Variants in ZC3H12B observed in about 807,000 individuals in gnomAD.
The protein encoded by ZC3H12B is zinc finger CCCH-type containing 12B, also known as probable ribonuclease ZC3H12B.
Under a neutral mutation model 43.9 loss-of-function variants are expected in ZC3H12B, and 7 were observed. The ratio of observed to expected loss-of-function variants is 0.16; its 90% confidence interval spans 0.09 to 0.30. ZC3H12B has a LOEUF of 0.30. Ranked by LOEUF, ZC3H12B falls within the 10% of genes least tolerant of loss-of-function variation. The probability of loss-of-function intolerance (pLI) is 1.00; values close to 1 mark genes in which losing one functional copy is unlikely to be tolerated. For synonymous variants in ZC3H12B, 222 were observed against 241.7 expected, an observed-to-expected ratio of 0.92 and a Z score of 0.76; for missense variants, 475 against 670.2, an observed-to-expected ratio of 0.71 and a Z score of 3.22.
At position 65,502,804 on chromosome X, in the gene ZC3H12B, T is replaced by G. The variant is rs1442159818; in HGVS notation, c.2106T>G (p.Asp702Glu). ...GTGCCCTGGTGATGACTCGGATGGA[T>G]AGCATTTCCGACTCCCGCCTCTATG... The change falls in exon 5 of 5, where the codon GAT (aspartate) becomes GAG (glutamate). Residue 702 changes from aspartate (D) to glutamate (E), a missense_variant. Transcript: ENST00000338957. 6.6e-6 allele frequency: 8 copies of G among 1,205,904 alleles called. No homozygotes were observed. In the East Asian group the frequency reaches 2.4e-4, roughly 36 times the overall value.
chrX:65,323,389 T>C, the ZC3H12B span, among the ~76,000 whole-genome samples: 17 of 112,050 alleles, frequency 1.5e-4, no homozygotes, highest in Middle Eastern at 4.2e-3. Context: ...TTCCCCTCCC[T>C]GTGTCCATGT....
the ZC3H12B span, among the ~76,000 whole-genome samples, chrX:65,049,962 C>T: frequency 9.0e-6 from 1 of 111,187 alleles, no homozygotes; most frequent in Non-Finnish European, 1.9e-5. Flanking sequence ...TTTGCTGCAT[C>T]TCATAAGTTT....
chrX:65,078,914 A>C, the ZC3H12B span, among the ~76,000 whole-genome samples: 3 of 111,702 alleles, frequency 2.7e-5, no homozygotes, highest in African/African-American at 9.8e-5. Context: ...ATGTACAATT[A>C]AATTATTATT....
the ZC3H12B span, among the ~76,000 whole-genome samples, chrX:65,207,541 G>C: frequency 1.8e-4 from 20 of 110,723 alleles, no homozygotes; most frequent in Non-Finnish European, 2.6e-4. Flanking sequence ...AGTGTACACT[G>C]CTGGGGTGAT....
upstream of ZC3H12B, among the ~76,000 whole-genome samples, chrX:65,364,223 C>T (rs767631153): frequency 1.2e-4 from 13 of 110,607 alleles, no homozygotes; most frequent in Non-Finnish European, 1.9e-4. Context: ...AAACTCATTG[C>T]CTTAACTCGA....
chrX:65,338,970 G>A, the ZC3H12B span, among the ~76,000 whole-genome samples: 167 of 112,031 alleles, frequency 1.5e-3, 2 homozygotes, highest in Middle Eastern at 4.6e-3. Context: ...AAGAATGCCC[G>A]CACTTTTACT....
At position 65,408,488 on chromosome X, in the gene ZC3H12B, G is replaced by A. The variant is rs963358909; in HGVS notation, n.407+9784G>A. 11 of 1,210,522 alleles carry A rather than the reference G, an allele frequency of 9.1e-6. No homozygotes were observed. The Admixed American group carries it at 2.2e-4, about 24-fold the overall frequency. On this transcript the variant is annotated intron_variant and non_coding_transcript_variant, in intron 3 of 5. Coordinates refer to the ZC3H12B transcript ENST00000617377. ...GTTGCAAGCTCAGCATCTTTCTTAT[G>A]GCCACGGACCCCCAGTTCCCCTTAC...
chrX:65,180,700 T>A, the ZC3H12B span, among the ~76,000 whole-genome samples: 1 of 110,885 alleles, frequency 9.0e-6, no homozygotes. Flanking sequence ...GGAATACAAC[T>A]TAGAAGTTAC....
chrX:65,377,369 A>T (rs2066361566), intron 2 of ZC3H12B, among the ~76,000 whole-genome samples: 1 of 110,760 alleles, frequency 9.0e-6, no homozygotes, highest in African/African-American at 3.3e-5. Flanking sequence ...ATAATAACAC[A>T]GAACTTACCA....
the ZC3H12B span, chrX:65,271,296 G>T: frequency 8.9e-6 from 1 of 112,308 alleles, no homozygotes; most frequent in South Asian, 3.7e-4. Context: ...TTGGGAAATG[G>T]TATTAAAATT....
chrX:65,468,901 C>T (rs2067866260), intron 3 of ZC3H12B, among the ~76,000 whole-genome samples: 1 of 108,927 alleles, frequency 9.2e-6, no homozygotes, highest in African/African-American at 3.4e-5. Context: ...TAACAACATC[C>T]TAAAACTCCG....
the ZC3H12B span, among the ~76,000 whole-genome samples, chrX:65,101,292 G>A: frequency 5.4e-5 from 6 of 111,542 alleles, no homozygotes; most frequent in Admixed American, 2.9e-4. Context: ...ATCAGAAAGC[G>A]GGAAAAATCT....
the ZC3H12B span, among the ~76,000 whole-genome samples, chrX:65,270,192 C>G: frequency 9.0e-6 from 1 of 111,035 alleles, no homozygotes; most frequent in African/African-American, 3.3e-5. Context: ...AAATATAGAC[C>G]AAGTGAATCA....
At chrX:65,422,925 CTTT>C (rs34567013) in intron 3 of ZC3H12B, among the ~76,000 whole-genome samples, 1 of 46,183 alleles carries the variant, frequency 2.2e-5, no homozygotes, top group Non-Finnish European at 3.6e-5. Context: ...TCTTTCTTTG[CTTT>C]TTTTTTTTTT....
chrX:65,211,773 A>T, the ZC3H12B span, among the ~76,000 whole-genome samples: 16 of 82,128 alleles, frequency 1.9e-4, no homozygotes, highest in South Asian at 7.9e-3. Flanking sequence ...AATGTATGTT[A>T]TATAATATAT....
At chrX:65,290,204 C>A in the ZC3H12B span, among the ~76,000 whole-genome samples, 2 of 110,213 alleles carry the variant, frequency 1.8e-5, no homozygotes, top group African/African-American at 6.6e-5. Context: ...AGGTGATATG[C>A]AAAATGGTTA....
At chrX:65,321,802 A>T in the ZC3H12B span, among the ~76,000 whole-genome samples, 1 of 111,153 alleles carries the variant, frequency 9.0e-6, no homozygotes, top group East Asian at 2.8e-4. Context: ...CAGAAAAACA[A>T]ATGTCACATG....
the ZC3H12B span, among the ~76,000 whole-genome samples, chrX:65,273,709 C>T: frequency 1.8e-5 from 2 of 111,393 alleles, no homozygotes; most frequent in African/African-American, 3.3e-5. Context: ...ACAAAAATGA[C>T]TTGTGACAAA....
At chrX:65,187,466 CT>C in the ZC3H12B span, among the ~76,000 whole-genome samples, 1 of 111,237 alleles carries the variant, frequency 9.0e-6, no homozygotes, top group Non-Finnish European at 1.9e-5. Context: ...GTAAGAGACT[CT>C]ACCATGATAG....
Sources: allele counts gnomAD v4.1 joint callset (sites outside exome capture counted in the v4.1 genomes callset), GRCh38; gene constraint gnomAD v4.1.1; transcripts MANE v1.5; gene names NCBI Gene and HGNC (gene_info 2026-07-23, HGNC 2026-07-21).